WWOX: variants seen among roughly 807,000 people sequenced by gnomAD.
WWOX encodes the protein WW domain containing oxidoreductase.
A neutral mutation model predicts 46.2 loss-of-function variants in WWOX; 69 were observed. That is an observed-to-expected ratio of 1.49 (90% confidence interval 1.23 to 1.82). WWOX has a LOEUF of 1.82. Among genes scored for constraint, WWOX ranks in the 40% most tolerant of loss-of-function variants. WWOX has a pLI of 0.00. For synonymous variants in WWOX, 359 were observed against 202.6 expected (o/e 1.77, Z -6.56); for missense variants, 919 against 542.6 (o/e 1.69, Z -6.89).
intron 8 of WWOX, among the ~76,000 whole-genome samples, chr16:78,437,879 GT>G (rs2083367229): frequency 6.6e-6 from 1 of 152,172 alleles, no homozygotes; most frequent in Non-Finnish European, 1.5e-5. Context: ...ACTCTAAAAT[GT>G]TTTGCACCTG....
intron 8 of WWOX, chr16:78,825,790 G>A (rs2051636698): frequency 6.8e-6 from 4 of 591,210 alleles, no homozygotes; most frequent in Admixed American, 4.6e-5. Context: ...ATGCTGTTGT[G>A]TGCCATGTGC....
chr16:78,932,397 C>G (rs1020073437), intron 8 of WWOX, among the ~76,000 whole-genome samples: 5 of 152,166 alleles, frequency 3.3e-5, no homozygotes, highest in African/African-American at 9.7e-5. Flanking sequence ...TATAGACAGC[C>G]TATGCCTGGA....
intron 8 of WWOX, among the ~76,000 whole-genome samples, chr16:79,199,909 G>C (rs779535711): frequency 2.0e-5 from 3 of 152,184 alleles, no homozygotes; most frequent in Non-Finnish European, 4.4e-5. Flanking sequence ...GGGGCAGGGA[G>C]AAGAATAAGA....
At chr16:78,593,290 C>T (rs549393677) in intron 8 of WWOX, among the ~76,000 whole-genome samples, 1 of 152,196 alleles carries the variant, frequency 6.6e-6, no homozygotes, top group East Asian at 1.9e-4. Flanking sequence ...ATCCAGCCAC[C>T]TCGGCCTCCC....
intron 5 of WWOX, among the ~76,000 whole-genome samples, chr16:78,204,086 C>G (rs2036316564): frequency 6.6e-6 from 1 of 152,200 alleles, no homozygotes; most frequent in South Asian, 2.1e-4. Flanking sequence ...AGGGCACAGT[C>G]TGCCCGGAGA....
intron 8 of WWOX, chr16:78,895,960 T>A (rs2044691987): frequency 6.6e-6 from 1 of 152,166 alleles, no homozygotes; most frequent in Admixed American, 6.6e-5. Flanking sequence ...TGACTTAACA[T>A]CCCAGGAAAC....
chr16:78,998,272 G>T (rs973498509), intron 8 of WWOX, among the ~76,000 whole-genome samples: 2 of 152,194 alleles, frequency 1.3e-5, no homozygotes, highest in Admixed American at 6.5e-5. Context: ...CTGCACATCA[G>T]TTCATTCTCT....
At chr16:78,879,572 T>C (rs990902509) in intron 8 of WWOX, among the ~76,000 whole-genome samples, 5 of 151,992 alleles carry the variant, frequency 3.3e-5, no homozygotes, top group Non-Finnish European at 5.9e-5. Flanking sequence ...GAGGCAACAT[T>C]GTTTGTGCTT....
At chr16:79,055,642 G>A (rs564127138) in intron 8 of WWOX, among the ~76,000 whole-genome samples, 2 of 152,290 alleles carry the variant, frequency 1.3e-5, no homozygotes, top group East Asian at 1.9e-4. Flanking sequence ...TTTTTTAAAG[G>A]TGTATGTTTG....
At chr16:78,309,752 A>G (rs2080204742) in intron 5 of WWOX, among the ~76,000 whole-genome samples, 1 of 152,222 alleles carries the variant, frequency 6.6e-6, no homozygotes, top group Non-Finnish European at 1.5e-5. Flanking sequence ...AATGCTGTTA[A>G]TAAGAGAAAT....
chr16:78,793,283 A>G (rs910163551), intron 8 of WWOX, among the ~76,000 whole-genome samples: 1 of 151,628 alleles, frequency 6.6e-6, no homozygotes, highest in Non-Finnish European at 1.5e-5. Context: ...CTGGTCTGGA[A>G]CTCCTGGGCT....
chr16:78,306,071 C>G (rs2080128649), intron 5 of WWOX, among the ~76,000 whole-genome samples: 1 of 152,078 alleles, frequency 6.6e-6, no homozygotes, highest in Non-Finnish European at 1.5e-5. Flanking sequence ...CCCACAGAGA[C>G]CATGTGGAGA....
chr16:78,948,022 T>C lies in WWOX; in HGVS notation c.1057-263586T>C, dbSNP rs191445262. ...GGCAGAGGGAGGAAGGGTGGGACGA[T>C]GGAGGCCTGAAGGGCTGGTGGAGAG... On this transcript the variant is annotated intron_variant, in intron 8 of 8. Coordinates refer to ENST00000566780, the MANE Select transcript of WWOX (RefSeq NM_016373.4). Among the ~76,000 whole-genome samples, 4 of 152,324 alleles carry C rather than the reference T, an allele frequency of 2.6e-5. 1 individual carries two copies. The highest frequency in any genetic ancestry group is 2.1e-4 in the South Asian group (1 of 4,826).
At chr16:78,839,086 G>A (rs1313582669) in intron 8 of WWOX, among the ~76,000 whole-genome samples, 1 of 151,446 alleles carries the variant, frequency 6.6e-6, no homozygotes, top group African/African-American at 2.4e-5. Context: ...TGAGATTGCT[G>A]TATTATTTCT....
At chr16:78,774,750 A>G (rs532460034) in intron 8 of WWOX, among the ~76,000 whole-genome samples, 3 of 152,126 alleles carry the variant, frequency 2.0e-5, no homozygotes, top group Non-Finnish European at 4.4e-5. Context: ...ACATGGGCAC[A>G]TATGATAGCA....
intron 8 of WWOX, among the ~76,000 whole-genome samples, chr16:78,672,562 T>C (rs991149065): frequency 7.9e-5 from 12 of 152,182 alleles, no homozygotes; most frequent in Non-Finnish European, 1.6e-4. Flanking sequence ...AGAGAAGTCA[T>C]TGCATCTCCA....
At chr16:78,468,092 C>T (rs1216911662) in intron 8 of WWOX, among the ~76,000 whole-genome samples, 2 of 152,070 alleles carry the variant, frequency 1.3e-5, no homozygotes, top group African/African-American at 4.8e-5. Context: ...TCTAAGTGTC[C>T]TCATTGCCCT....
At chr16:79,113,461 G>C (rs2049454841) in intron 8 of WWOX, among the ~76,000 whole-genome samples, 1 of 152,196 alleles carries the variant, frequency 6.6e-6, no homozygotes, top group Non-Finnish European at 1.5e-5. Flanking sequence ...CCACACCTTG[G>C]TACAACATTT....
At chr16:78,631,678 G>A (rs1019120412) in intron 8 of WWOX, among the ~76,000 whole-genome samples, 17 of 151,642 alleles carry the variant, frequency 1.1e-4, no homozygotes, top group African/African-American at 3.6e-4. Flanking sequence ...AGGGCTACAC[G>A]TGTGTGCCAC....
Sources: allele counts gnomAD v4.1 joint callset (sites outside exome capture counted in the v4.1 genomes callset), GRCh38; gene constraint gnomAD v4.1.1; transcripts MANE v1.5; gene names NCBI Gene and HGNC (gene_info 2026-07-23, HGNC 2026-07-21).